RNF115: variants seen among roughly 807,000 people sequenced by gnomAD.
The protein encoded by RNF115 is ring finger protein 115, also known as E3 ubiquitin-protein ligase RNF115.
In RNF115, 31 loss-of-function variants were observed where a neutral mutation model predicts 39.2. The ratio of observed to expected loss-of-function variants is 0.79; its 90% CI spans 0.59 to 1.07. The LOEUF is 1.07. Among genes scored for constraint, RNF115 ranks in the 50% least tolerant of loss-of-function variants. RNF115 has a pLI of 0.00. For missense variants in RNF115, 384 were observed against 381.7 expected, an observed-to-expected ratio of 1.01 and a Z score of -0.05; for synonymous variants, 124 against 131.0, an observed-to-expected ratio of 0.95 and a Z score of 0.37.
chr1:145,788,878 G>A (rs1648510779), intron 2 of RNF115, 30 bp downstream of exon 2: 1 of 1,498,622 alleles, frequency 6.7e-7, no homozygotes, highest in Admixed American at 1.7e-5. Flanking sequence ...ATAATAGAAT[G>A]TCTGATTTAT....
At chr1:145,783,120 C>A (rs1648222476) in intron 3 of RNF115, among the ~76,000 whole-genome samples, 1 of 152,200 alleles carries the variant, frequency 6.6e-6, no homozygotes, top group Non-Finnish European at 1.5e-5. Flanking sequence ...ACCTCGGCCT[C>A]CCAAAGTGTT....
At chr1:145,747,314 C>T (rs1657911727) in intron 8 of RNF115, among the ~76,000 whole-genome samples, 1 of 152,116 alleles carries the variant, frequency 6.6e-6, no homozygotes, top group African/African-American at 2.4e-5. Context: ...CATTACTTCC[C>T]AATATGGTCT....
intron 4 of RNF115, among the ~76,000 whole-genome samples, chr1:145,766,927 C>G (rs587660844): frequency 1.2e-5 from 1 of 84,776 alleles, no homozygotes; most frequent in Non-Finnish European, 2.3e-5. Context: ...GGCGGCTGGC[C>G]GGGCGGGGGG....
chr1:145,781,336 G>A (rs587764326), intron 3 of RNF115, among the ~76,000 whole-genome samples: 3 of 152,128 alleles, frequency 2.0e-5, no homozygotes, highest in Admixed American at 6.5e-5. Flanking sequence ...AGTCTTTGCC[G>A]AAATTACCAA....
Position 145,751,438 on chromosome 1 carries a change from C to A in RNF115, c.573G>T (p.Gln191His). Reference sequence around the variant, plus strand: ...ACACCCTCAAAAGGCAGCTCCTCACCTGGGTTACAATGGCATCAAGCCCTG... The same window carrying A: ...ACACCCTCAAAAGGCAGCTCCTCACATGGGTTACAATGGCATCAAGCCCTG... ...GQTGLDAIVT[Q>H]LLGQLENTGP... The change falls in exon 6 of 9, where the codon CAG (glutamine) becomes CAT (histidine). Residue 191 changes from glutamine (Q) to histidine (H), a missense_variant and splice_region_variant. By Grantham distance (24) the Gln-to-His change is conservative (BLOSUM62 0). Coordinates refer to ENST00000582693, the MANE Select transcript of RNF115 (RefSeq NM_014455.4). 1 of 1,578,010 alleles carries A rather than the reference C, an allele frequency of 6.3e-7. No individual in the cohort carries two copies. The highest frequency in any genetic ancestry group is 1.2e-5 in the South Asian group (1 of 86,180).
chr1:145,822,064 C>T (rs1403008848), intron 1 of RNF115, among the ~76,000 whole-genome samples: 2 of 151,966 alleles, frequency 1.3e-5, no homozygotes, highest in African/African-American at 2.4e-5. Context: ...CAGTGGCTCA[C>T]GCCTGTAATC....
chr1:145,783,671 G>A (rs1455492712), intron 3 of RNF115, among the ~76,000 whole-genome samples: 3 of 152,076 alleles, frequency 2.0e-5, no homozygotes, highest in East Asian at 1.9e-4. Flanking sequence ...CAAGTTGTAT[G>A]GCAATATAGG....
At chr1:145,768,293 A>G (rs1647471040) in intron 4 of RNF115, among the ~76,000 whole-genome samples, 1 of 152,214 alleles carries the variant, frequency 6.6e-6, no homozygotes. Context: ...GCAGGCACAG[A>G]CCTGGACCCT....
chr1:145,816,443 G>A (rs1383422844), intron 1 of RNF115, among the ~76,000 whole-genome samples: 1 of 68,210 alleles, frequency 1.5e-5, no homozygotes, highest in African/African-American at 4.6e-5. Flanking sequence ...AAATTGATCA[G>A]GATTAGCAGT....
chr1:145,796,478 G>A (rs1201713904), intron 1 of RNF115, among the ~76,000 whole-genome samples: 1 of 151,006 alleles, frequency 6.6e-6, no homozygotes, highest in Non-Finnish European at 1.5e-5. Context: ...CCAAGCTGGA[G>A]CGCAGTGGCA....
intron 4 of RNF115, among the ~76,000 whole-genome samples, chr1:145,763,675 G>A (rs1406936784): frequency 6.6e-6 from 1 of 151,984 alleles, no homozygotes; most frequent in Non-Finnish European, 1.5e-5. Context: ...CTGCAGCCTG[G>A]GTGACAGAGT....
At chr1:145,793,755 T>C (rs1553719337) in intron 1 of RNF115, among the ~76,000 whole-genome samples, 1 of 151,844 alleles carries the variant, frequency 6.6e-6, no homozygotes, top group South Asian at 2.1e-4. Context: ...CAAACACATT[T>C]CCCACATCTA....
At chr1:145,767,069 G>GCTGAC (rs587750448) in intron 4 of RNF115, among the ~76,000 whole-genome samples, 20 of 142,038 alleles carry the variant, frequency 1.4e-4, no homozygotes, top group African/African-American at 5.6e-4. Context: ...AGGGCAGGGG[G>GCTGAC]CTGACCCCCC....
intron 1 of RNF115, among the ~76,000 whole-genome samples, chr1:145,791,358 A>AG (rs1465628209): frequency 4.0e-5 from 6 of 150,604 alleles, no homozygotes; most frequent in Non-Finnish European, 7.4e-5. Context: ...CTTAAAAAAA[A>AG]AAAAAAAATT....
chr1:145,784,039 C>G (rs1004526662), intron 3 of RNF115, among the ~76,000 whole-genome samples: 4 of 151,154 alleles, frequency 2.6e-5, no homozygotes, highest in Non-Finnish European at 5.9e-5. Flanking sequence ...ATCTTGGGAT[C>G]TGAAAGGCAA....
rs1650224978 is a variant in RNF115, at chr1:145,821,326, A to G, written c.102+2446T>C. Among the ~76,000 whole-genome samples, 2 of 131,460 alleles carry G rather than the reference A, an allele frequency of 1.5e-5. 1 individual carries two copies. The highest frequency in any genetic ancestry group is 3.5e-5 in the Non-Finnish European group (2 of 57,548). The allele number at this position is 131,460 out of a possible 152,430, so 86.2% of individuals were successfully genotyped here. ...TATATCACACCAAAAAGATCAAGAA[A>G]CTTCTCCAGGCATTAACTAAGGCTT... On this transcript the variant is annotated intron_variant, in intron 1 of 8. Transcript: ENST00000582693.
chr1:145,822,313 CAAA>C (rs1360699501), intron 1 of RNF115, among the ~76,000 whole-genome samples: 1 of 130,360 alleles, frequency 7.7e-6, no homozygotes. Context: ...GAGGCTGTCT[CAAA>C]AAAAAAAAAA....
At chr1:145,812,649 G>C (rs1324829637) in intron 1 of RNF115, among the ~76,000 whole-genome samples, 1 of 137,860 alleles carries the variant, frequency 7.3e-6, no homozygotes, top group Non-Finnish European at 1.5e-5. Context: ...GACAGAGTGA[G>C]GCTTCAGGTC....
chr1:145,800,229 G>T (rs984762256), intron 1 of RNF115, among the ~76,000 whole-genome samples: 1 of 152,100 alleles, frequency 6.6e-6, no homozygotes, highest in African/African-American at 2.4e-5. Flanking sequence ...GAATTAAGGG[G>T]GGAAGTCTAC....
Sources: allele counts gnomAD v4.1 joint callset (sites outside exome capture counted in the v4.1 genomes callset), GRCh38; gene constraint gnomAD v4.1.1; transcripts MANE v1.5; gene names NCBI Gene and HGNC (gene_info 2026-07-23, HGNC 2026-07-21).